CCNG2: variants seen among roughly 807,000 people sequenced by gnomAD.
The protein encoded by CCNG2 is cyclin-G2.
CCNG2 carries 20 observed loss-of-function variants against 36.5 expected under a neutral mutation model. The observed-to-expected ratio is 0.55, with a 90% CI of 0.39 to 0.80. The LOEUF is 0.80. Ranked by LOEUF, CCNG2 falls within the 30% of genes least tolerant of loss-of-function variation. The pLI, the probability that CCNG2 is intolerant of heterozygous loss-of-function variation, is 0.00. For synonymous variants in CCNG2, 155 were observed against 140.1 expected (o/e 1.11, Z -0.75); for missense variants, 358 against 390.8 (o/e 0.92, Z 0.71).
At position 77,168,922 on chromosome 4, in the gene CCNG2, G is replaced by C. The variant is rs943988487; in HGVS notation, c.*2998G>C. On this transcript the variant is annotated 3_prime_UTR_variant, in exon 8 of 8. Coordinates refer to ENST00000316355, the MANE Select transcript of CCNG2 (RefSeq NM_004354.3). The stretch of plus-strand genomic sequence containing the variant: ...CGAGAGATTTGACCTTTCAGGTTTT[G>C]ATCCTGTCATTTTCTAGGATGTGGT... The C allele has an allele frequency of 9.9e-5, 15 of 152,276 alleles. No individual in the cohort carries two copies. Among genetic ancestry groups the C allele is most frequent in the African/African-American group, 3.6e-4 (15 of 41,438 alleles). 9.4% of individuals were successfully genotyped at this position (152,276 alleles called of 1,614,324 possible). A position where few individuals can be genotyped will look rare whatever the true frequency, so the allele number is the denominator to read the frequency against.
At position 77,161,099 on chromosome 4, in the gene CCNG2, C is replaced by CTTTTTTTTT. The variant is rs34505988; in HGVS notation, c.527+139_527+147dup. ...TTCAACTTTGACTTTATTGGTAAATCTTTTTTTTTTTTTTTTTTTGGAGAA... is the reference window on the plus strand; with the variant it reads ...TTCAACTTTGACTTTATTGGTAAATCTTTTTTTTTTTTTTTTTTTTTTTTTTTTGGAGAA... On this transcript the variant is annotated intron_variant, in intron 4 of 7. Transcript: ENST00000316355. The CTTTTTTTTT allele has an allele frequency of 6.1e-3, 1,867 of 307,110 alleles. 55 individuals carry two copies. The highest frequency in any genetic ancestry group is 0.02 in the African/African-American group (633 of 31,938). The allele number at this position is 307,110 out of a possible 1,614,324, so 19.0% of individuals were successfully genotyped here.
chr4:77,162,836 A>G (rs1048184011), intron 6 of CCNG2, among the ~76,000 whole-genome samples: 1 of 151,942 alleles, frequency 6.6e-6, no homozygotes, highest in South Asian at 2.1e-4. Context: ...TATAAAAGTC[A>G]TTTTAGGGTA....
rs1553895213 is a variant in CCNG2, at chr4:77,168,324, CTT to C, written c.*2402_*2403del. On this transcript the variant is annotated 3_prime_UTR_variant, in exon 8 of 8. Transcript: ENST00000316355. ...CATTGGCATGGTTTAGACCTGTACT[CTT>C]TATCAGCAGAGGTACTGTAATATAT... is the stretch of plus-strand genomic sequence containing the variant. The C allele has an allele frequency of 6.6e-6, 1 of 152,224 alleles. No homozygotes were observed. The highest frequency in any genetic ancestry group is 1.5e-5 in the Non-Finnish European group (1 of 68,048). The allele number at this position is 152,224 out of a possible 1,614,324, so 9.4% of individuals were successfully genotyped here. A position where few individuals can be genotyped will look rare whatever the true frequency, so the allele number is the denominator to read the frequency against.
rs4150065 is a variant in CCNG2 at position 77,161,068 on chromosome 4, C to T, written c.527+97C>T. On this transcript the variant is annotated intron_variant, in intron 4 of 7. Transcript: ENST00000316355. Reference sequence around the variant, plus strand: ...ATGAAATTTATATTTTTACCTTCTTCAAACTTTCAACTTTGACTTTATTGG... The same window carrying T: ...ATGAAATTTATATTTTTACCTTCTTTAAACTTTCAACTTTGACTTTATTGG... 1,333 of 570,614 alleles carry T rather than the reference C, an allele frequency of 2.3e-3. 13 individuals carry two copies. The African/African-American group carries it at 0.025, about 11-fold the overall frequency. 35.3% of individuals were successfully genotyped at this position (570,614 alleles called of 1,614,324 possible).
intron 3 of CCNG2, among the ~76,000 whole-genome samples, chr4:77,160,416 T>G (rs1731396737): frequency 6.6e-6 from 1 of 151,340 alleles, no homozygotes. Context: ...AGAATAGTCT[T>G]GCTATGTTGG....
intron 2 of CCNG2, 59 bp downstream of exon 2, chr4:77,158,729 C>T (rs1378819104): frequency 3.2e-5 from 51 of 1,580,300 alleles, no homozygotes; most frequent in South Asian, 5.6e-5. Context: ...AGGAGGTAAC[C>T]CCCCCGCCCC....
rs1011578710 is a variant in CCNG2 at position 77,167,721 on chromosome 4, T to G, written c.*1797T>G. ...AGTTTGATTTTTGTAGACCTTTGTT[T>G]TCTCTAGTTAGAAAATCAGGTACAC... On this transcript the variant is annotated 3_prime_UTR_variant, in exon 8 of 8. Coordinates refer to ENST00000316355, the MANE Select transcript of CCNG2 (RefSeq NM_004354.3). The G allele has an allele frequency of 1.3e-5, 2 of 152,186 alleles. No homozygotes were observed. Among genetic ancestry groups the G allele is most frequent in the African/African-American group, 4.8e-5 (2 of 41,440 alleles). 9.4% of individuals were successfully genotyped at this position (152,186 alleles called of 1,614,324 possible). A position where few individuals can be genotyped will look rare whatever the true frequency, so the allele number is the denominator to read the frequency against.
chr4:77,159,737 T>A (rs565892239), intron 3 of CCNG2, among the ~76,000 whole-genome samples: 1 of 152,248 alleles, frequency 6.6e-6, no homozygotes, highest in Non-Finnish European at 1.5e-5. Flanking sequence ...TTCTCTTGAA[T>A]ATGTGACAAA....
At chr4:77,158,929 C>G (rs548229007) in intron 2 of CCNG2, among the ~76,000 whole-genome samples, 19 of 152,342 alleles carry the variant, frequency 1.2e-4, no homozygotes, top group Admixed American at 2.0e-4. Flanking sequence ...CTCCAGCCTG[C>G]AGCTTCAGGA....
chr4:77,161,453 T>C (rs941163847), intron 4 of CCNG2, 27 bp from the exon 5 acceptor site: 4 of 1,481,902 alleles, frequency 2.7e-6, no homozygotes, highest in Non-Finnish European at 3.7e-6. Context: ...GGAAGTTTAA[T>C]AAATCTTTGT....
At position 77,166,066 on chromosome 4, in the gene CCNG2, A is replaced by G. The variant is rs1296635849; in HGVS notation, c.*142A>G. On this transcript the variant is annotated 3_prime_UTR_variant, in exon 8 of 8. Coordinates refer to ENST00000316355, the MANE Select transcript of CCNG2 (RefSeq NM_004354.3). ...ACCTTCTATTTGTTATTCAGATCAG[A>G]TCTGGCCTATTTTCATATTTATCCT... The G allele has an allele frequency of 2.8e-6, 2 of 713,080 alleles. No individual in the cohort carries two copies. The highest frequency in any genetic ancestry group is 3.7e-5 in the African/African-American group (2 of 54,594). 44.2% of individuals were successfully genotyped at this position (713,080 alleles called of 1,614,324 possible). A position where few individuals can be genotyped will look rare whatever the true frequency, so the allele number is the denominator to read the frequency against.
intron 1 of CCNG2, 28 bp from the exon 2 acceptor site, chr4:77,158,505 C>T: frequency 6.2e-7 from 1 of 1,613,638 alleles, no homozygotes; most frequent in South Asian, 1.1e-5. Flanking sequence ...CCCCAGATTA[C>T]ATTCTCTGTG....
At position 77,166,064 on chromosome 4, in the gene CCNG2, A is replaced by C. The variant is rs1041053200; in HGVS notation, c.*140A>C. ...CTACCTTCTATTTGTTATTCAGATC[A>C]GATCTGGCCTATTTTCATATTTATC... On this transcript the variant is annotated 3_prime_UTR_variant, in exon 8 of 8. Transcript: ENST00000316355. The C allele has an allele frequency of 1.4e-6, 1 of 719,114 alleles. No individual in the cohort carries two copies. Among genetic ancestry groups the C allele is most frequent in the African/African-American group, 1.8e-5 (1 of 54,750 alleles). 44.5% of individuals were successfully genotyped at this position (719,114 alleles called of 1,614,324 possible).
Position 77,161,729 on chromosome 4 carries a change from A to G in CCNG2, c.687A>G (p.Leu229=), listed in dbSNP as rs747803534. The G allele has an allele frequency of 5.6e-6, 9 of 1,598,828 alleles. No homozygotes were observed. Among genetic ancestry groups the G allele is most frequent in the Non-Finnish European group, 6.8e-6 (8 of 1,174,328 alleles). ...KSVELLEILL[L]VKKHSKINDT... is the part of the protein sequence containing the mutation. ...TTGAATTACTGGAAATTCTCTTGCT[A>G]GTTAAAAAACATTCCAAGGTAATTA... Residue 229 remains leucine, a synonymous_variant, in exon 6 of 8, where the codon CTA becomes CTG. Transcript: ENST00000316355.
At chr4:77,159,526 T>C (rs1478554287) in intron 3 of CCNG2, 22 bp downstream of exon 3, 1 of 1,606,576 alleles carries the variant, frequency 6.2e-7, no homozygotes, top group African/African-American at 1.3e-5. Context: ...TTTTTATAAA[T>C]ATGTCTTCCT....
chr4:77,158,905 C>G (rs529555770), intron 2 of CCNG2, among the ~76,000 whole-genome samples: 2 of 152,196 alleles, frequency 1.3e-5, no homozygotes, highest in Non-Finnish European at 2.9e-5. Flanking sequence ...GCACCCTCCT[C>G]GCTGCCCCCC....
intron 5 of CCNG2, 28 bp downstream of exon 5, chr4:77,161,586 ATC>A (rs776465528): frequency 6.3e-7 from 1 of 1,578,094 alleles, no homozygotes; most frequent in African/African-American, 1.4e-5. Context: ...TTATGTATAT[ATC>A]TCACAGTTTG....
intron 1 of CCNG2, among the ~76,000 whole-genome samples, chr4:77,158,028 C>A (rs886428368): frequency 1.3e-5 from 2 of 151,664 alleles, no homozygotes; most frequent in Non-Finnish European, 2.9e-5. Flanking sequence ...CGGGACTCTC[C>A]GAGAGGGGCT....
chr4:77,166,060 G>A lies in CCNG2; in HGVS notation c.*136G>A. The A allele has an allele frequency of 1.3e-6, 1 of 778,976 alleles. No homozygotes were observed. The highest frequency in any genetic ancestry group is 2.9e-5 in the East Asian group (1 of 34,604). 48.3% of individuals were successfully genotyped at this position (778,976 alleles called of 1,614,324 possible). A position where few individuals can be genotyped will look rare whatever the true frequency, so the allele number is the denominator to read the frequency against. ...ATACCTACCTTCTATTTGTTATTCA[G>A]ATCAGATCTGGCCTATTTTCATATT... On this transcript the variant is annotated 3_prime_UTR_variant, in exon 8 of 8. Coordinates refer to ENST00000316355, the MANE Select transcript of CCNG2 (RefSeq NM_004354.3).
Sources: allele counts gnomAD v4.1 joint callset (sites outside exome capture counted in the v4.1 genomes callset), GRCh38; gene constraint gnomAD v4.1.1; transcripts MANE v1.5; gene names NCBI Gene and HGNC (gene_info 2026-07-23, HGNC 2026-07-21).